CPNE8: variants seen among roughly 807,000 people sequenced by gnomAD.
CPNE8 encodes copine-8.
In CPNE8, 45 loss-of-function variants were observed where a neutral mutation model predicts 81.5. That is an observed-to-expected ratio of 0.55 (90% confidence interval 0.44 to 0.71). The LOEUF (loss-of-function observed/expected upper bound fraction) is 0.71, where lower values mean the gene tolerates loss of function less well. CPNE8 is among the 30% of genes least tolerant of loss of function. The pLI is 0.00. For missense variants in CPNE8, 594 were observed against 672.1 expected (o/e 0.88, Z 1.28); for synonymous variants, 252 against 226.3 (o/e 1.11, Z -1.02).
At chr12:38,797,944 T>C (rs1051436137) in intron 6 of CPNE8, among the ~76,000 whole-genome samples, 6 of 151,938 alleles carry the variant, frequency 3.9e-5, no homozygotes, top group Non-Finnish European at 8.8e-5. Flanking sequence ...GAAGAAAGGG[T>C]ATCAGTGATG....
intron 4 of CPNE8, among the ~76,000 whole-genome samples, chr12:38,844,134 A>G (rs1943516094): frequency 6.6e-6 from 1 of 152,190 alleles, no homozygotes; most frequent in Non-Finnish European, 1.5e-5. Flanking sequence ...TTATAATAAC[A>G]TTATACATTT....
At chr12:38,861,675 T>C (rs1356163848) in intron 3 of CPNE8, among the ~76,000 whole-genome samples, 7 of 152,144 alleles carry the variant, frequency 4.6e-5, no homozygotes, top group African/African-American at 1.2e-4. Context: ...TGGAATAATA[T>C]ATTAAATATA....
intron 10 of CPNE8, among the ~76,000 whole-genome samples, chr12:38,736,066 A>G (rs1293916120): frequency 6.6e-6 from 1 of 151,918 alleles, no homozygotes; most frequent in African/African-American, 2.4e-5. Context: ...ACTCTCATAA[A>G]TTAAGAGTTC....
chr12:38,659,766 C>A (rs2630776), intron 19 of CPNE8, among the ~76,000 whole-genome samples: 1 of 151,924 alleles, frequency 6.6e-6, no homozygotes, highest in African/African-American at 2.4e-5. Flanking sequence ...CACAACTATA[C>A]GGAAACTGAA....
At chr12:38,902,320 GAAAGAAAGAAAGAAAGAAAGAAAGAAA>G (rs1944482095) in intron 1 of CPNE8, among the ~76,000 whole-genome samples, 24 of 58,824 alleles carry the variant, frequency 4.1e-4, no homozygotes, top group East Asian at 2.5e-3. Flanking sequence ...AGGAAGGAAA[GAAAGAAAGAAAGAAAGAAAGAAAGAAA>G]GAAAGAAAGA....
At chr12:38,837,382 G>C (rs1277928054) in intron 5 of CPNE8, among the ~76,000 whole-genome samples, 1 of 152,044 alleles carries the variant, frequency 6.6e-6, no homozygotes, top group African/African-American at 2.4e-5. Flanking sequence ...TTGAGTTTTA[G>C]GCTTCTGTGG....
chr12:38,677,001 A>AC (rs74392495), intron 17 of CPNE8, among the ~76,000 whole-genome samples: 1 of 52,008 alleles, frequency 1.9e-5, no homozygotes, highest in African/African-American at 2.9e-5. Context: ...ACCCTAAAAA[A>AC]AAAACATACA....
chr12:38,803,576 C>T (rs1942740689), intron 6 of CPNE8, among the ~76,000 whole-genome samples: 1 of 137,768 alleles, frequency 7.3e-6, no homozygotes, highest in Non-Finnish European at 1.6e-5. Context: ...AAACTGGAAG[C>T]ATTCCCTTTG....
chr12:38,731,388 A>T (rs917863512), intron 10 of CPNE8, among the ~76,000 whole-genome samples: 1 of 151,974 alleles, frequency 6.6e-6, no homozygotes, highest in African/African-American at 2.4e-5. Flanking sequence ...GCAACATACA[A>T]GTGGTGTTTA....
At chr12:38,893,209 G>A (rs917786139) in intron 1 of CPNE8, among the ~76,000 whole-genome samples, 2 of 152,218 alleles carry the variant, frequency 1.3e-5, no homozygotes, top group African/African-American at 4.8e-5. Flanking sequence ...TTGAATAGGG[G>A]CTGGGTAAAA....
At chr12:38,720,563 A>G (rs1243468153) in intron 13 of CPNE8, 1 of 152,092 alleles carries the variant, frequency 6.6e-6, no homozygotes, top group Non-Finnish European at 1.5e-5. Context: ...ACCACAAATC[A>G]GTATTTCTAC....
intron 6 of CPNE8, among the ~76,000 whole-genome samples, chr12:38,805,502 G>T (rs1339284126): frequency 1.9e-5 from 2 of 103,844 alleles, no homozygotes; most frequent in South Asian, 8.3e-4. Flanking sequence ...CACACTCTGG[G>T]GACTGTGGTG....
intron 6 of CPNE8, among the ~76,000 whole-genome samples, chr12:38,805,720 C>A (rs1227909800): frequency 7.6e-6 from 1 of 131,960 alleles, no homozygotes. Context: ...CAAACACATT[C>A]AAAAGCTAGC....
At chr12:38,845,534 C>T (rs550994941) in intron 4 of CPNE8, among the ~76,000 whole-genome samples, 84 of 151,812 alleles carry the variant, frequency 5.5e-4, no homozygotes, top group African/African-American at 2.0e-3. Context: ...AATTTTTTTA[C>T]CATGAATATG....
At chr12:38,659,617 C>G (rs532028668) in intron 19 of CPNE8, among the ~76,000 whole-genome samples, 2 of 152,178 alleles carry the variant, frequency 1.3e-5, no homozygotes, top group Non-Finnish European at 2.9e-5. Context: ...CCACATCGCA[C>G]GTATTCCAAA....
At chr12:38,808,836 GA>G (rs1311796645) in intron 6 of CPNE8, among the ~76,000 whole-genome samples, 1 of 151,394 alleles carries the variant, frequency 6.6e-6, no homozygotes, top group African/African-American at 2.4e-5. Context: ...CACCTCACAG[GA>G]AAAAATGGGC....
chr12:38,774,437 T>C (rs919356720), intron 7 of CPNE8, among the ~76,000 whole-genome samples: 1 of 152,128 alleles, frequency 6.6e-6, no homozygotes, highest in Non-Finnish European at 1.5e-5. Flanking sequence ...TAGATGATAA[T>C]ATAATTTAAA....
intron 13 of CPNE8, among the ~76,000 whole-genome samples, chr12:38,718,955 A>T (rs537098052): frequency 1.8e-4 from 27 of 152,348 alleles, no homozygotes; most frequent in Non-Finnish European, 3.1e-4. Context: ...TGTATTGCAC[A>T]TAGTGTGATC....
intron 19 of CPNE8, among the ~76,000 whole-genome samples, chr12:38,668,230 G>C (rs1041050736): frequency 3.3e-5 from 5 of 152,218 alleles, no homozygotes; most frequent in Admixed American, 3.3e-4. Flanking sequence ...GGGCAAAGAT[G>C]AAAGAATTTG....
Sources: allele counts gnomAD v4.1 joint callset (sites outside exome capture counted in the v4.1 genomes callset), GRCh38; gene constraint gnomAD v4.1.1; transcripts MANE v1.5; gene names NCBI Gene and HGNC (gene_info 2026-07-23, HGNC 2026-07-21).